HERC1: variants seen among roughly 807,000 people sequenced by gnomAD.
HERC1 encodes the protein probable E3 ubiquitin-protein ligase HERC1.
HERC1 carries 160 observed loss-of-function variants against 554.3 expected under a neutral mutation model. The observed-to-expected ratio is 0.29, with a 90% confidence interval of 0.25 to 0.33. HERC1 has a LOEUF of 0.33. HERC1 is among the 10% of genes least tolerant of loss of function. The probability of loss-of-function intolerance (pLI) is 1.00; values close to 1 mark genes in which losing one functional copy is unlikely to be tolerated. For synonymous variants in HERC1, 2,175 were observed against 2,131.7 expected (o/e 1.02, Z -0.56); for missense variants, 4,919 against 5,918.5 (o/e 0.83, Z 5.54).
Position 63,692,308 on chromosome 15 carries a change from CA to C in HERC1, c.5830+102del. On this transcript the variant is annotated intron_variant, in intron 31 of 77. Coordinates refer to ENST00000443617, the MANE Select transcript of HERC1 (RefSeq NM_003922.4). The surrounding 1 kb of genome is among the most constrained non-coding windows in gnomAD (Gnocchi z 4.7). ...GCAGAAAATAAGAAAGAAAAGCCTT[CA>C]AATCAAGGTTACACATGGAGTGTTG... The C allele has an allele frequency of 2.4e-6, 2 of 846,600 alleles. No individual in the cohort carries two copies. Among genetic ancestry groups the C allele is most frequent in the Non-Finnish European group, 3.4e-6 (2 of 579,768 alleles). The allele number at this position is 846,600 out of a possible 1,614,324, so 52.4% of individuals were successfully genotyped here.
intron 26 of HERC1, among the ~76,000 whole-genome samples, chr15:63,696,971 G>A (rs1200646313): frequency 6.7e-6 from 1 of 149,626 alleles, no homozygotes; most frequent in African/African-American, 2.5e-5. Context: ...AATAATTTTA[G>A]ATATACAGAA....
chr15:63,625,133 C>T (rs983669063), intron 71 of HERC1, among the ~76,000 whole-genome samples: 2 of 152,170 alleles, frequency 1.3e-5, no homozygotes, highest in African/African-American at 4.8e-5. Context: ...TGCACACACA[C>T]ACACGCACGC....
In HERC1 at chr15:63,689,791, C is replaced by G. The variant is rs972139128; in HGVS notation, c.5938-92G>C. On this transcript the variant is annotated intron_variant, in intron 32 of 77. Coordinates refer to ENST00000443617, the MANE Select transcript of HERC1 (RefSeq NM_003922.4). ...TATCATGTTAACTGTAATATTAACT[C>G]GCATGCGAAGTTTGATTATACCAGT... 1.2e-5 allele frequency: 8 copies of G among 675,050 alleles called. No homozygotes were observed. The Admixed American group carries it at 1.8e-4, about 15-fold the overall frequency. 41.8% of individuals were successfully genotyped at this position (675,050 alleles called of 1,614,324 possible).
At chr15:63,616,325 C>CAATGG in intron 75 of HERC1, 105 bp downstream of exon 75, 1 of 1,237,882 alleles carries the variant, frequency 8.1e-7, no homozygotes, top group South Asian at 1.4e-5. Context: ...CATTGTTCAG[C>CAATGG]CAGACAGCAA....
At chr15:63,623,641 A>G in intron 73 of HERC1, 84 bp downstream of exon 73, 4 of 1,287,618 alleles carry the variant, frequency 3.1e-6, no homozygotes, top group Non-Finnish European at 3.3e-6. Flanking sequence ...TTATAAAAAC[A>G]TGCCTGGCAG....
At chr15:63,821,125 AGAATTACTTGAACTAGC>A (rs2077675281) in intron 1 of HERC1, among the ~76,000 whole-genome samples, 1 of 152,188 alleles carries the variant, frequency 6.6e-6, no homozygotes, top group Non-Finnish European at 1.5e-5. Context: ...CTTTAGCTTA[AGAATTACTTGAACTAGC>A]CAGGTGCATT....
intron 74 of HERC1, among the ~76,000 whole-genome samples, chr15:63,622,285 G>T (rs140836125): frequency 3.5e-4 from 52 of 150,246 alleles, no homozygotes; most frequent in African/African-American, 1.2e-3. Context: ...TCATTGATTT[G>T]GTCTCAATAA....
At chr15:63,795,724 C>A (rs1252506671) in intron 1 of HERC1, among the ~76,000 whole-genome samples, 1 of 152,184 alleles carries the variant, frequency 6.6e-6, no homozygotes, top group East Asian at 1.9e-4. Flanking sequence ...CACGAGAGTA[C>A]ACCGAACAAA....
At chr15:63,732,414 T>C (rs142884921) in intron 14 of HERC1, among the ~76,000 whole-genome samples, 2 of 152,156 alleles carry the variant, frequency 1.3e-5, no homozygotes, top group African/African-American at 4.8e-5. Context: ...ATAGTGACAA[T>C]AGCTATAACA....
intron 32 of HERC1, among the ~76,000 whole-genome samples, chr15:63,689,970 C>A (rs1331803476): frequency 6.6e-6 from 1 of 151,884 alleles, no homozygotes; most frequent in Non-Finnish European, 1.5e-5. Context: ...TTGAGACCAG[C>A]CTGGCCAACA....
chr15:63,699,891 A>C (rs1596007181), intron 25 of HERC1, among the ~76,000 whole-genome samples: 1 of 152,332 alleles, frequency 6.6e-6, no homozygotes, highest in East Asian at 1.9e-4. Context: ...AACTGGTCTC[A>C]GATACATAAA....
intron 1 of HERC1, among the ~76,000 whole-genome samples, chr15:63,808,437 G>C (rs1016482061): frequency 6.6e-6 from 1 of 152,206 alleles, no homozygotes; most frequent in Middle Eastern, 3.4e-3. Flanking sequence ...ACAAGCACAT[G>C]CTACCACTCA....
At chr15:63,748,110 C>T (rs149103648) in intron 10 of HERC1, among the ~76,000 whole-genome samples, 57 of 152,124 alleles carry the variant, frequency 3.7e-4, no homozygotes, top group African/African-American at 1.3e-3. Flanking sequence ...CCTGTAGTCC[C>T]AGTTACCCAG....
chr15:63,667,922 G>A (rs1242881458), intron 40 of HERC1, among the ~76,000 whole-genome samples: 1 of 152,084 alleles, frequency 6.6e-6, no homozygotes, highest in African/African-American at 2.4e-5. Flanking sequence ...AGACTTTTAT[G>A]ATGATCCACT....
Position 63,616,591 on chromosome 15 carries a change from T to C in HERC1, c.13780A>G (p.Lys4594Glu), listed in dbSNP as rs989685077. Residue 4594 changes from lysine to glutamate, a missense_variant, in exon 75 of 78, where the codon AAG becomes GAG. Around this residue, in one of 11 missense-constraint regions of HERC1, gnomAD observed 284 missense variants for 294.1 expected, o/e 0.97. Coordinates refer to ENST00000443617, the MANE Select transcript of HERC1 (RefSeq NM_003922.4). ...GGGGCCAAGTGGAGGTCCAGAGGCTTCTTTGTGCGAATGGCAACCCCCATT... is the reference window on the plus strand; with the variant it reads ...GGGGCCAAGTGGAGGTCCAGAGGCTCCTTTGTGCGAATGGCAACCCCCATT... The part of the protein sequence containing the change: ...ILMGVAIRTK[K>E]PLDLHLAPLV... 6.2e-7 allele frequency: 1 copy of C among 1,613,998 alleles called. No homozygotes were observed.
chr15:63,629,903 CATAA>C (rs1483414260), intron 69 of HERC1, among the ~76,000 whole-genome samples: 1 of 152,126 alleles, frequency 6.6e-6, no homozygotes, highest in Non-Finnish European at 1.5e-5. Context: ...CTCCCTCCTT[CATAA>C]ATAGAGGAGG....
chr15:63,728,896 A>C (rs1216512443), intron 16 of HERC1, among the ~76,000 whole-genome samples: 1 of 151,980 alleles, frequency 6.6e-6, no homozygotes, highest in Non-Finnish European at 1.5e-5. Flanking sequence ...GAAAGTGAAA[A>C]AATGGTAAAT....
At chr15:63,740,979 AG>A (rs2074776027) in intron 12 of HERC1, among the ~76,000 whole-genome samples, 1 of 151,678 alleles carries the variant, frequency 6.6e-6, no homozygotes, top group African/African-American at 2.4e-5. Flanking sequence ...GTCATAGCTA[AG>A]AAACCATTGC....
At chr15:63,663,998 A>AACTT (rs1413903519) in intron 43 of HERC1, among the ~76,000 whole-genome samples, 2 of 152,248 alleles carry the variant, frequency 1.3e-5, no homozygotes, top group African/African-American at 4.8e-5. Context: ...ACATGCCCAG[A>AACTT]ACGTAATCCT....
Sources: allele counts gnomAD v4.1 joint callset (sites outside exome capture counted in the v4.1 genomes callset), GRCh38; gene constraint gnomAD v4.1.1; regional missense constraint gnomAD v4.1.1; non-coding constraint Gnocchi (gnomAD v3.1); transcripts MANE v1.5; gene names NCBI Gene and HGNC (gene_info 2026-07-23, HGNC 2026-07-21).